The following PKIA variants were observed in gnomAD, a reference collection of about 807,000 sequenced individuals.
PKIA encodes cAMP-dependent protein kinase inhibitor alpha.
PKIA carries 4 observed loss-of-function variants against 7.6 expected under a neutral mutation model. The ratio of observed to expected loss-of-function variants is 0.52; its 90% CI spans 0.26 to 1.20. The LOEUF is 1.20. PKIA is among the 50% of genes most tolerant of loss of function. The pLI, the probability that PKIA is intolerant of heterozygous loss-of-function variation, is 0.13. For synonymous variants in PKIA, 21 were observed against 30.7 expected (o/e 0.68, Z 1.04); for missense variants, 73 against 86.2 (o/e 0.85, Z 0.61).
chr8:78,554,319 A>G (rs1311729324), intron 1 of PKIA, among the ~76,000 whole-genome samples: 2 of 152,006 alleles, frequency 1.3e-5, no homozygotes, highest in East Asian at 3.9e-4. Flanking sequence ...TAGGGAAGAC[A>G]CTGTTCTCTT....
intron 2 of PKIA, among the ~76,000 whole-genome samples, chr8:78,577,116 T>A (rs535881599): frequency 6.6e-6 from 1 of 152,106 alleles, no homozygotes; most frequent in South Asian, 2.1e-4. Context: ...TCACTTTTTT[T>A]TAATTATACT....
intron 2 of PKIA, among the ~76,000 whole-genome samples, chr8:78,573,583 G>GA (rs1585911015): frequency 6.6e-6 from 1 of 151,738 alleles, no homozygotes; most frequent in African/African-American, 2.4e-5. Flanking sequence ...GGAAAGAAAA[G>GA]AAAAAAACAG....
intron 2 of PKIA, among the ~76,000 whole-genome samples, chr8:78,575,091 G>C (rs1392226460): frequency 6.6e-6 from 1 of 151,882 alleles, no homozygotes; most frequent in Admixed American, 6.6e-5. Context: ...CGGTAACCGG[G>C]AAATTTTTAT....
At chr8:78,575,267 C>CT (rs141050081) in intron 2 of PKIA, among the ~76,000 whole-genome samples, 19,938 of 151,710 alleles carry the variant, frequency 0.13, 1,687 homozygotes, top group Non-Finnish European at 0.18. Flanking sequence ...TTCTCTGGTT[C>CT]TTTTTTTGTC....
At chr8:78,583,899 G>T (rs1017157425) in intron 2 of PKIA, among the ~76,000 whole-genome samples, 20 of 152,002 alleles carry the variant, frequency 1.3e-4, no homozygotes, top group African/African-American at 4.1e-4. Context: ...GCAACCTCTG[G>T]CATCAATGGG....
intron 1 of PKIA, among the ~76,000 whole-genome samples, chr8:78,555,251 T>G (rs1807099331): frequency 3.3e-5 from 5 of 152,056 alleles, no homozygotes; most frequent in African/African-American, 7.2e-5. Flanking sequence ...CAATTCACTC[T>G]GTTATCTAAT....
At chr8:78,542,108 A>G (rs1806708458) in intron 1 of PKIA, among the ~76,000 whole-genome samples, 1 of 152,124 alleles carries the variant, frequency 6.6e-6, no homozygotes, top group Non-Finnish European at 1.5e-5. Flanking sequence ...AGATGCAGTG[A>G]GCCATGATGG....
In PKIA at chr8:78,598,426, A is replaced by G. The variant is rs1808278659; in HGVS notation, c.42A>G (p.Ser14=). 1.2e-6 allele frequency: 2 copies of G among 1,611,618 alleles called. No individual in the cohort carries two copies. Among genetic ancestry groups the G allele is most frequent in the Non-Finnish European group, 1.7e-6 (2 of 1,178,114 alleles). Residue 14 remains serine (S), a synonymous_variant, in exon 3 of 4, where the codon TCA becomes TCG. Coordinates refer to ENST00000396418, the MANE Select transcript of PKIA (RefSeq NM_006823.4). ...CTACATATGCAGATTTTATTGCTTC[A>G]GGAAGAACAGGTAGAAGAAATGCAA... ...VETTYADFIA[S]GRTGRRNAIH...
At chr8:78,532,402 T>C (rs1249942898) in intron 1 of PKIA, among the ~76,000 whole-genome samples, 2 of 151,388 alleles carry the variant, frequency 1.3e-5, no homozygotes, top group Non-Finnish European at 1.5e-5. Flanking sequence ...CTCATTTCTA[T>C]CATAACTGCT....
chr8:78,595,139 G>A (rs72659985), intron 2 of PKIA, among the ~76,000 whole-genome samples: 4 of 152,294 alleles, frequency 2.6e-5, no homozygotes, highest in Non-Finnish European at 5.9e-5. Flanking sequence ...AAAATATACT[G>A]TAGTGTTTTC....
intron 1 of PKIA, among the ~76,000 whole-genome samples, chr8:78,540,649 A>G (rs974246112): frequency 2.0e-5 from 3 of 152,022 alleles, no homozygotes; most frequent in African/African-American, 7.2e-5. Flanking sequence ...GTAGAGGGAC[A>G]GAGGGGGTGG....
chr8:78,576,159 C>T (rs1405516702), intron 2 of PKIA, among the ~76,000 whole-genome samples: 3 of 152,006 alleles, frequency 2.0e-5, no homozygotes, highest in Non-Finnish European at 4.4e-5. Context: ...AGGACTCAGG[C>T]TTCAACATAT....
intron 2 of PKIA, among the ~76,000 whole-genome samples, chr8:78,590,292 A>G (rs1370617670): frequency 1.3e-5 from 2 of 151,820 alleles, no homozygotes; most frequent in South Asian, 2.1e-4. Flanking sequence ...TTAAAAAAAA[A>G]AAAAGAAAAA....
At chr8:78,568,206 G>A (rs1807462587) in intron 1 of PKIA, among the ~76,000 whole-genome samples, 1 of 152,122 alleles carries the variant, frequency 6.6e-6, no homozygotes, top group Non-Finnish European at 1.5e-5. Flanking sequence ...TGTACATCAA[G>A]CTAAGGATGA....
intron 1 of PKIA, among the ~76,000 whole-genome samples, chr8:78,563,358 C>T (rs548765774): frequency 8.5e-5 from 13 of 152,176 alleles, no homozygotes; most frequent in African/African-American, 2.4e-4. Context: ...GTCTTGACTA[C>T]TGTTACTAGT....
At chr8:78,560,109 A>C (rs2118511641) in intron 1 of PKIA, among the ~76,000 whole-genome samples, 1 of 152,296 alleles carries the variant, frequency 6.6e-6, no homozygotes, top group Middle Eastern at 3.4e-3. Context: ...TCATTTCCTG[A>C]TTGCCACATC....
In PKIA at chr8:78,582,859, C is replaced by T. The variant is rs62517722; in HGVS notation, c.-28+9920C>T. ...AAGCAGCAGGGTGACAATTATATAT[C>T]CAAACAGAAATGCAACCTTTTAAAT... On this transcript the variant is annotated intron_variant, in intron 2 of 3. Coordinates refer to ENST00000396418, the MANE Select transcript of PKIA (RefSeq NM_006823.4). Among the ~76,000 whole-genome samples, 1,421 of 152,192 alleles carry T rather than the reference C, an allele frequency of 9.3e-3. 14 individuals carry two copies. Among genetic ancestry groups the T allele is most frequent in the Non-Finnish European group, 0.012 (791 of 67,998 alleles).
intron 1 of PKIA, among the ~76,000 whole-genome samples, chr8:78,527,889 G>C (rs1352313818): frequency 6.6e-6 from 1 of 151,898 alleles, no homozygotes; most frequent in Non-Finnish European, 1.5e-5. Context: ...GTACATCTAT[G>C]TTTCATGCCA....
chr8:78,577,512 GA>G (rs1585914432), intron 2 of PKIA, among the ~76,000 whole-genome samples: 1 of 150,438 alleles, frequency 6.6e-6, no homozygotes, highest in Admixed American at 6.6e-5. Context: ...GAAAAAAAAA[GA>G]AAAAAAGTTA....
Sources: allele counts gnomAD v4.1 joint callset (sites outside exome capture counted in the v4.1 genomes callset), GRCh38; gene constraint gnomAD v4.1.1; transcripts MANE v1.5; gene names NCBI Gene and HGNC (gene_info 2026-07-23, HGNC 2026-07-21).